The following FRMD4A variants were observed in gnomAD, a reference collection of about 807,000 sequenced individuals.
The protein encoded by FRMD4A is FERM domain containing 4A, also known as FERM domain-containing protein 4A.
Under a neutral mutation model 129.1 loss-of-function variants are expected in FRMD4A, and 29 were observed. The observed-to-expected ratio is 0.22, with a 90% CI of 0.17 to 0.31. FRMD4A has a LOEUF of 0.31. Ranked by LOEUF, FRMD4A falls within the 10% of genes least tolerant of loss-of-function variation. The pLI is 1.00. For missense variants in FRMD4A, 1,272 were observed against 1,375.8 expected, an observed-to-expected ratio of 0.92 and a Z score of 1.19; for synonymous variants, 634 against 571.6, an observed-to-expected ratio of 1.11 and a Z score of -1.56.
At chr10:14,008,927 G>A (rs1005350895) in intron 2 of FRMD4A, among the ~76,000 whole-genome samples, 6 of 152,218 alleles carry the variant, frequency 3.9e-5, no homozygotes, top group African/African-American at 1.4e-4. Context: ...AGAAGAAACT[G>A]TTGCAATCAC....
At chr10:14,087,717 AT>A (rs1836372822) in intron 2 of FRMD4A, 2 of 152,224 alleles carry the variant, frequency 1.3e-5, no homozygotes, top group South Asian at 4.1e-4. Context: ...CAGGAACGAA[AT>A]GTGAACATCT....
At chr10:14,158,743 G>A (rs1840727911) in intron 2 of FRMD4A, among the ~76,000 whole-genome samples, 1 of 151,086 alleles carries the variant, frequency 6.6e-6, no homozygotes, top group Admixed American at 6.6e-5. Context: ...AAGAGGAAAA[G>A]GAGGAGGAGG....
chr10:13,772,111 C>A (rs117434022), intron 6 of FRMD4A, among the ~76,000 whole-genome samples: 28 of 141,540 alleles, frequency 2.0e-4, no homozygotes, highest in African/African-American at 6.8e-4. Context: ...AGCAAGACTC[C>A]GCCTCAAAAA....
intron 3 of FRMD4A, among the ~76,000 whole-genome samples, chr10:13,858,024 C>G (rs1407552005): frequency 6.6e-6 from 1 of 152,148 alleles, no homozygotes; most frequent in African/African-American, 2.4e-5. Context: ...TCCAGATGCT[C>G]ACAAGTGATG....
intron 2 of FRMD4A, among the ~76,000 whole-genome samples, chr10:13,943,997 C>G (rs1255263435): frequency 1.3e-5 from 2 of 152,108 alleles, no homozygotes; most frequent in African/African-American, 4.8e-5. Context: ...ATGTTCCTAC[C>G]ATTCAGAGAC....
intron 2 of FRMD4A, among the ~76,000 whole-genome samples, chr10:14,127,927 T>C (rs951234308): frequency 1.5e-3 from 8 of 5,274 alleles, no homozygotes; most frequent in African/African-American, 0.011. Flanking sequence ...TCTTTCTTTC[T>C]TTCTTTCTTT....
At chr10:14,131,177 G>C (rs959560082) in intron 2 of FRMD4A, among the ~76,000 whole-genome samples, 1 of 152,186 alleles carries the variant, frequency 6.6e-6, no homozygotes, top group African/African-American at 2.4e-5. Context: ...ACTTTTGCTA[G>C]AGAAAAGGAA....
chr10:13,784,990 CAAA>C lies in FRMD4A; in HGVS notation c.300-1987_300-1985del, dbSNP rs35375065. On this transcript the variant is annotated intron_variant, in intron 5 of 24. Coordinates refer to ENST00000357447, the MANE Select transcript of FRMD4A (RefSeq NM_018027.5). ...TGAACAACAGAGGGAGACTCTATCT[CAAA>C]AAAAAAAAAAAAAAAAGTATCTTTT... 5.1e-3 allele frequency among the ~76,000 whole-genome samples: 499 copies of C among 98,404 alleles called. 2 individuals carry two copies. Among genetic ancestry groups the C allele is most frequent in the African/African-American group, 0.018 (483 of 26,922 alleles). 64.6% of individuals were successfully genotyped at this position (98,404 alleles called of 152,430 possible). A position where few individuals can be genotyped will look rare whatever the true frequency, so the allele number is the denominator to read the frequency against.
chr10:13,895,807 T>A (rs2131177280), intron 2 of FRMD4A, among the ~76,000 whole-genome samples: 1 of 152,100 alleles, frequency 6.6e-6, no homozygotes, highest in South Asian at 2.1e-4. Context: ...ACAAGGAACT[T>A]AAACAAATTT....
At chr10:14,197,872 T>C (rs1175583803) in intron 2 of FRMD4A, among the ~76,000 whole-genome samples, 1 of 152,166 alleles carries the variant, frequency 6.6e-6, no homozygotes. Flanking sequence ...CCACAGTAAT[T>C]TCCACGAGAC....
chr10:13,862,960 T>C (rs1370616071), intron 2 of FRMD4A, among the ~76,000 whole-genome samples: 1 of 147,324 alleles, frequency 6.8e-6, no homozygotes, highest in Non-Finnish European at 1.5e-5. Context: ...GTTTCTTTTT[T>C]TTTTCATTTC....
intron 2 of FRMD4A, among the ~76,000 whole-genome samples, chr10:14,297,476 T>G (rs1482724147): frequency 1.3e-5 from 2 of 152,110 alleles, no homozygotes; most frequent in Non-Finnish European, 2.9e-5. Flanking sequence ...TAAGGAAGTA[T>G]GGATGGCTCA....
chr10:14,148,756 TG>T (rs1840202984), intron 2 of FRMD4A, among the ~76,000 whole-genome samples: 1 of 149,836 alleles, frequency 6.7e-6, no homozygotes, highest in Non-Finnish European at 1.5e-5. Context: ...AGCGAGACTC[TG>T]TCTCAAAAAA....
At position 13,701,573 on chromosome 10, in the gene FRMD4A, G is replaced by C. The variant is rs2086833833; in HGVS notation, c.837-95C>G. 1.6e-5 allele frequency: 19 copies of C among 1,179,128 alleles called. No individual in the cohort carries two copies. The Middle Eastern group carries it at 6.0e-4, about 37-fold the overall frequency. The allele number at this position is 1,179,128 out of a possible 1,614,324, so 73.0% of individuals were successfully genotyped here. A position where few individuals can be genotyped will look rare whatever the true frequency, so the allele number is the denominator to read the frequency against. ...TCTGTAGAGAACCCACTGCGTCCTA[G>C]AAGCCCTGGCGTAAAGATGATAGAT... is the stretch of plus-strand genomic sequence containing the variant. On this transcript the variant is annotated intron_variant, in intron 13 of 24. Transcript: ENST00000357447.
At chr10:13,891,367 A>G (rs2094694040) in intron 2 of FRMD4A, among the ~76,000 whole-genome samples, 1 of 152,128 alleles carries the variant, frequency 6.6e-6, no homozygotes, top group Admixed American at 6.5e-5. Context: ...GTAGATTCAG[A>G]CAGCGTGGGA....
intron 2 of FRMD4A, among the ~76,000 whole-genome samples, chr10:14,147,369 G>T (rs1026014251): frequency 6.6e-6 from 1 of 152,172 alleles, no homozygotes. Flanking sequence ...TGGCATCAGG[G>T]ACTGGTTTTG....
At chr10:13,781,848 G>A (rs1015019703) in intron 6 of FRMD4A, among the ~76,000 whole-genome samples, 9 of 152,084 alleles carry the variant, frequency 5.9e-5, no homozygotes, top group Non-Finnish European at 1.3e-4. Flanking sequence ...TGTTTAATGA[G>A]TACAGAGTTT....
chr10:13,896,914 G>T (rs1397843569), intron 2 of FRMD4A, among the ~76,000 whole-genome samples: 1 of 152,058 alleles, frequency 6.6e-6, no homozygotes, highest in Non-Finnish European at 1.5e-5. Context: ...TACTTGCAAA[G>T]GTTTAATCCG....
intron 2 of FRMD4A, among the ~76,000 whole-genome samples, chr10:14,009,210 T>C (rs34128473): frequency 0.2 from 30,617 of 152,042 alleles, 3,503 homozygotes; most frequent in East Asian, 0.45. Flanking sequence ...TCCCCTACCT[T>C]CCCCATCTCT....
Sources: allele counts gnomAD v4.1 joint callset (sites outside exome capture counted in the v4.1 genomes callset), GRCh38; gene constraint gnomAD v4.1.1; transcripts MANE v1.5; gene names NCBI Gene and HGNC (gene_info 2026-07-23, HGNC 2026-07-21).